The following MALT1 variants were observed in gnomAD, a reference collection of about 807,000 sequenced individuals.
MALT1 encodes the protein MALT1 paracaspase, also known as mucosa-associated lymphoid tissue lymphoma translocation protein 1.
A neutral mutation model predicts 85.5 loss-of-function variants in MALT1; 36 were observed. The observed-to-expected ratio is 0.42, with a 90% confidence interval of 0.32 to 0.56. The LOEUF is 0.56. Among genes scored for constraint, MALT1 ranks in the 20% least tolerant of loss-of-function variants. The probability of loss-of-function intolerance (pLI) is 0.10; values close to 1 mark genes in which losing one functional copy is unlikely to be tolerated. For synonymous variants in MALT1, 359 were observed against 361.3 expected (o/e 0.99, Z 0.07); for missense variants, 716 against 981.6 (o/e 0.73, Z 3.62).
chr18:58,727,146 A>AAGAC (rs1450030880), intron 10 of MALT1, among the ~76,000 whole-genome samples: 4 of 152,212 alleles, frequency 2.6e-5, no homozygotes, highest in Non-Finnish European at 5.9e-5. Context: ...CAATTTATTA[A>AAGAC]AGACATTCAA....
intron 2 of MALT1, among the ~76,000 whole-genome samples, chr18:58,688,368 CT>C (rs1260584357): frequency 6.6e-6 from 1 of 151,098 alleles, no homozygotes; most frequent in African/African-American, 2.4e-5. Flanking sequence ...GGCTTATAAA[CT>C]GTTAATTTAG....
intron 8 of MALT1, 105 bp downstream of exon 8, chr18:58,714,214 T>C (rs1190052369): frequency 2.2e-5 from 11 of 498,734 alleles, no homozygotes; most frequent in African/African-American, 4.0e-5. Context: ...GTAACTTTTT[T>C]CTCTTTATTG....
At chr18:58,709,814 T>A (rs1188211553) in intron 5 of MALT1, among the ~76,000 whole-genome samples, 162 bp from the exon 6 acceptor site, 1 of 152,242 alleles carries the variant, frequency 6.6e-6, no homozygotes, top group Non-Finnish European at 1.5e-5. Context: ...TTACAACATT[T>A]ACTTGCTGGT....
In MALT1 at chr18:58,719,190, T is replaced by G. The variant is rs529794820; in HGVS notation, c.1018+3223T>G. Among the ~76,000 whole-genome samples the G allele has an allele frequency of 1.4e-4, 21 of 152,326 alleles. No individual in the cohort carries two copies. The South Asian group carries it at 4.3e-3, about 32-fold the overall frequency. On this transcript the variant is annotated intron_variant, in intron 9 of 16. Coordinates refer to ENST00000649217, the MANE Select transcript of MALT1 (RefSeq NM_006785.4). The stretch of plus-strand genomic sequence containing the variant: ...AGCAGGTGGTTCTGCTGGTCTTTCT[T>G]GGGGTCTCTCATGCAACTGCAGTCA...
Position 58,748,016 on chromosome 18 carries a change from C to T in MALT1, c.*174C>T. 1 of 588,020 alleles carries T rather than the reference C, an allele frequency of 1.7e-6. No individual in the cohort carries two copies. Among genetic ancestry groups the T allele is most frequent in the East Asian group, 2.8e-5 (1 of 35,100 alleles). 36.4% of individuals were successfully genotyped at this position (588,020 alleles called of 1,614,324 possible). A position where few individuals can be genotyped will look rare whatever the true frequency, so the allele number is the denominator to read the frequency against. On this transcript the variant is annotated 3_prime_UTR_variant, in exon 17 of 17. Transcript: ENST00000649217. ...ATGTTGAAATTACATTATTTAATTACAGACTTCCTCTTTCTAAGATTTTGT... is the reference window on the plus strand; with the variant it reads ...ATGTTGAAATTACATTATTTAATTATAGACTTCCTCTTTCTAAGATTTTGT...
chr18:58,691,872 CA>C (rs34428404), intron 2 of MALT1, among the ~76,000 whole-genome samples: 14 of 134,758 alleles, frequency 1.0e-4, no homozygotes, highest in Admixed American at 2.2e-4. Flanking sequence ...GACTCCGTCT[CA>C]AAAAAAAAAA....
rs2055468951 is a variant in MALT1 at position 58,753,124 on chromosome 18, C to T, written c.*5282C>T. ...GCCAGCATTTTGAAAAGCATCAACC[C>T]ATCAACCTTGTGCTTTAAATCTGGC... On this transcript the variant is annotated 3_prime_UTR_variant, in exon 17 of 17. Coordinates refer to ENST00000649217, the MANE Select transcript of MALT1 (RefSeq NM_006785.4). The T allele has an allele frequency of 6.6e-6, 1 of 152,158 alleles. No homozygotes were observed. Among genetic ancestry groups the T allele is most frequent in the African/African-American group, 2.4e-5 (1 of 41,440 alleles). The allele number at this position is 152,158 out of a possible 1,614,324, so 9.4% of individuals were successfully genotyped here.
chr18:58,691,648 C>T (rs2054501141), intron 2 of MALT1: 2 of 159,856 alleles, frequency 1.3e-5, no homozygotes, highest in South Asian at 3.4e-4. Context: ...GTGGGTGGAT[C>T]ACGAGGTCAG....
chr18:58,682,625 G>A (rs2054339032), intron 2 of MALT1, among the ~76,000 whole-genome samples: 1 of 152,202 alleles, frequency 6.6e-6, no homozygotes, highest in African/African-American at 2.4e-5. Context: ...CCAAGGAGAT[G>A]GAATGTGCTG....
rs1422022900 is a variant in MALT1, at chr18:58,750,417, GA to G, written c.*2578del. 6.6e-6 allele frequency: 1 copy of G among 152,256 alleles called. No homozygotes were observed. Among genetic ancestry groups the G allele is most frequent in the African/African-American group, 2.4e-5 (1 of 41,430 alleles). 9.4% of individuals were successfully genotyped at this position (152,256 alleles called of 1,614,324 possible). On this transcript the variant is annotated 3_prime_UTR_variant, in exon 17 of 17. Transcript: ENST00000649217. ...TTGACAAACTGGTAAAATTGGTAGG[GA>G]AACGCAGGGGACCCAGAATAGCCAA...
At chr18:58,699,746 G>C (rs767504837) in intron 3 of MALT1, among the ~76,000 whole-genome samples, 2 of 152,228 alleles carry the variant, frequency 1.3e-5, no homozygotes, top group Non-Finnish European at 2.9e-5. Flanking sequence ...ACTTGAGTAA[G>C]CCCCTTGGCA....
At position 58,680,796 on chromosome 18, in the gene MALT1, G is replaced by A. The variant is rs576992212; in HGVS notation, c.210-374G>A. Among the ~76,000 whole-genome samples the A allele has an allele frequency of 1.2e-3, 178 of 151,900 alleles. 1 individual carries two copies. The highest frequency in any genetic ancestry group is 2.3e-3 in the South Asian group (11 of 4,812). ...AAATTAGCCGGGCGCGGTGGCGGGC[G>A]CCTGTAGTCCCAGCTACTCGGGAGG... On this transcript the variant is annotated intron_variant, in intron 1 of 16. Transcript: ENST00000649217.
At chr18:58,706,546 G>A (rs2054754560) in intron 4 of MALT1, among the ~76,000 whole-genome samples, 1 of 152,144 alleles carries the variant, frequency 6.6e-6, no homozygotes, top group South Asian at 2.1e-4. Flanking sequence ...TCTGACCCAG[G>A]TTGCTATCAA....
chr18:58,714,087 A>G lies in MALT1; in HGVS notation c.963A>G (p.Glu321=). 7.9e-7 allele frequency: 1 copy of G among 1,258,608 alleles called. No homozygotes were observed. The highest frequency in any genetic ancestry group is 1.2e-5 in the South Asian group (1 of 80,828). The allele number at this position is 1,258,608 out of a possible 1,614,324, so 78.0% of individuals were successfully genotyped here. Residue 321 remains glutamate (E), a synonymous_variant, in exon 8 of 17, where the codon GAA becomes GAG. Coordinates refer to ENST00000649217, the MANE Select transcript of MALT1 (RefSeq NM_006785.4). Reference sequence around the variant, plus strand: ...TTTTCTCTTACTTTGTTTTAGATGAATTAAATAATCTTGGTCATCCTGGTG... The same window carrying G: ...TTTTCTCTTACTTTGTTTTAGATGAGTTAAATAATCTTGGTCATCCTGGTG... ...TDEAVECTED[E]LNNLGHPDNK...
chr18:58,703,521 GGAA>G (rs2054703807), intron 4 of MALT1, among the ~76,000 whole-genome samples: 2 of 152,150 alleles, frequency 1.3e-5, no homozygotes, highest in Non-Finnish European at 2.9e-5. Context: ...GGAGGCCTCA[GGAA>G]ACTTACAATC....
At chr18:58,733,324 A>G in intron 10 of MALT1, 73 bp from the exon 11 acceptor site, 2 of 956,218 alleles carry the variant, frequency 2.1e-6, no homozygotes, top group Non-Finnish European at 3.2e-6. Flanking sequence ...TTCTACAAAA[A>G]GTTATGCAGT....
intron 3 of MALT1, among the ~76,000 whole-genome samples, chr18:58,698,054 G>A: frequency 7.7e-6 from 1 of 129,362 alleles, no homozygotes; most frequent in East Asian, 2.3e-4. Flanking sequence ...TGTTGTTGTT[G>A]TTGTTTTGTT....
At chr18:58,731,025 T>A (rs1421204819) in intron 10 of MALT1, among the ~76,000 whole-genome samples, 1 of 152,140 alleles carries the variant, frequency 6.6e-6, no homozygotes, top group Non-Finnish European at 1.5e-5. Context: ...GATCTCAGCT[T>A]ACTGCAACCT....
At position 58,723,228 on chromosome 18, in the gene MALT1, TC is replaced by T; in HGVS notation, c.1201del (p.Leu401PhefsTer2). 1 of 1,613,270 alleles carries T rather than the reference TC, an allele frequency of 6.2e-7. No homozygotes were observed. Among genetic ancestry groups the T allele is most frequent in the Non-Finnish European group, 8.5e-7 (1 of 1,179,214 alleles). ...EMRNAVDEFL[L>X]LLDKGVYGLL... ...CGTAATGCTGTGGATGAGTTTTTAC[TC>T]CTTTTAGACAAGGGAGTATATGGTA... On this transcript the variant is annotated frameshift_variant, in exon 10 of 17. Transcript: ENST00000649217. LOFTEE classifies it high-confidence loss of function.
Sources: allele counts gnomAD v4.1 joint callset (sites outside exome capture counted in the v4.1 genomes callset), GRCh38; gene constraint gnomAD v4.1.1; transcripts MANE v1.5; gene names NCBI Gene and HGNC (gene_info 2026-07-23, HGNC 2026-07-21).